TBXAS1: variants seen among roughly 807,000 people sequenced by gnomAD.
TBXAS1 encodes thromboxane-A synthase.
Under a neutral mutation model 60.7 loss-of-function variants are expected in TBXAS1, and 48 were observed. The observed-to-expected ratio is 0.79, with a 90% confidence interval of 0.63 to 1.01. The LOEUF (loss-of-function observed/expected upper bound fraction) is 1.01. Among genes scored for constraint, TBXAS1 ranks in the 50% least tolerant of loss-of-function variants. The pLI is 0.00. For missense variants in TBXAS1, 685 were observed against 686.3 expected (o/e 1.00, Z 0.02); for synonymous variants, 287 against 269.7 (o/e 1.06, Z -0.63).
intron 1 of TBXAS1, among the ~76,000 whole-genome samples, chr7:139,864,982 A>G (rs533892108): frequency 4.5e-4 from 68 of 152,170 alleles, no homozygotes; most frequent in African/African-American, 1.6e-3. Flanking sequence ...TATTGCTTGG[A>G]AAAAAAATAC....
intron 9 of TBXAS1, among the ~76,000 whole-genome samples, chr7:139,998,771 T>A (rs1272217744): frequency 6.6e-6 from 1 of 152,218 alleles, no homozygotes; most frequent in African/African-American, 2.4e-5. Flanking sequence ...AGAAGACTGA[T>A]GCCCCGTGGG....
chr7:139,805,698 CTTTCTTTCTTTCTT>C (rs757969897), intron 4 of TBXAS1, among the ~76,000 whole-genome samples: 1,549 of 31,004 alleles, frequency 0.05, 15 homozygotes, highest in Middle Eastern at 0.078. Flanking sequence ...TTCTTTCTTT[CTTTCTTTCTTTCTT>C]TCTCTCTCTC....
chr7:140,019,964 T>C, intron 12 of TBXAS1, 61 bp from the exon 13 acceptor site: 3 of 1,537,640 alleles, frequency 2.0e-6, no homozygotes, highest in Non-Finnish European at 2.7e-6. Flanking sequence ...CTCCAAGTCT[T>C]CATTTGTACA....
rs540781999 is a variant in TBXAS1, at chr7:139,863,469, A to G, written c.90-8766A>G. 3.3e-5 allele frequency among the ~76,000 whole-genome samples: 5 copies of G among 152,296 alleles called. No homozygotes were observed. In the South Asian group the frequency reaches 1.0e-3, roughly 32 times the overall value. Reference sequence around the variant, plus strand: ...TGTATATAGGGTGGGACAGAATTGAAAAAACAATAGGAAGGTCTTGTAACT... The same window carrying G: ...TGTATATAGGGTGGGACAGAATTGAGAAAACAATAGGAAGGTCTTGTAACT... On this transcript the variant is annotated intron_variant, in intron 1 of 12. Coordinates refer to ENST00000448866, the MANE Select transcript of TBXAS1 (RefSeq NM_001061.7).
chr7:139,783,992 T>A (rs1398159424), intron 3 of TBXAS1, among the ~76,000 whole-genome samples: 2 of 149,216 alleles, frequency 1.3e-5, no homozygotes, highest in African/African-American at 5.0e-5. Context: ...TTCACATGCA[T>A]GCTTGTTTAG....
At chr7:139,901,582 T>C (rs914744248) in intron 3 of TBXAS1, among the ~76,000 whole-genome samples, 3 of 152,086 alleles carry the variant, frequency 2.0e-5, no homozygotes, top group Non-Finnish European at 4.4e-5. Flanking sequence ...GAGCAGGTTT[T>C]CACCCAATCA....
chr7:139,977,390 A>G (rs1445341917), intron 9 of TBXAS1, among the ~76,000 whole-genome samples: 6 of 152,182 alleles, frequency 3.9e-5, no homozygotes, highest in Non-Finnish European at 8.8e-5. Context: ...CTTACTCACT[A>G]TCACGAGAAC....
In TBXAS1 at chr7:139,812,324, G is replaced by A. The variant is rs140869598; in HGVS notation, c.-79-16988G>A. On this transcript the variant is annotated intron_variant, in intron 4 of 16. Transcript: ENST00000336425. Reference sequence around the variant, plus strand: ...CCACAATGTTGGGGTGAACTCCTCGGTGACAGATGAAGAAACAAACACTCT... The same window carrying A: ...CCACAATGTTGGGGTGAACTCCTCGATGACAGATGAAGAAACAAACACTCT... Among the ~76,000 whole-genome samples, 1,145 of 152,302 alleles carry A rather than the reference G, an allele frequency of 7.5e-3. 14 individuals are homozygous for A. Among genetic ancestry groups the A allele is most frequent in the Non-Finnish European group, 7.5e-3 (507 of 68,018 alleles).
intron 4 of TBXAS1, among the ~76,000 whole-genome samples, chr7:139,919,925 C>T (rs1461262859): frequency 2.0e-5 from 3 of 152,218 alleles, no homozygotes; most frequent in African/African-American, 7.2e-5. Context: ...CCACTCCCAC[C>T]CTCCATTCTT....
chr7:140,014,336 C>T (rs138458451), intron 10 of TBXAS1, among the ~76,000 whole-genome samples: 5 of 152,256 alleles, frequency 3.3e-5, no homozygotes, highest in African/African-American at 9.6e-5. Flanking sequence ...CTGCTCAGGC[C>T]GACTTCGAGG....
chr7:139,839,832 A>G (rs1250317950), intron 1 of TBXAS1, among the ~76,000 whole-genome samples: 1 of 151,858 alleles, frequency 6.6e-6, no homozygotes, highest in East Asian at 1.9e-4. Context: ...CTCGCACTCC[A>G]GCCTGGGTGA....
In TBXAS1 at chr7:139,927,046, G is replaced by A. The variant is rs187889038; in HGVS notation, c.334-9145G>A. On this transcript the variant is annotated intron_variant, in intron 4 of 12. Coordinates refer to ENST00000448866, the MANE Select transcript of TBXAS1 (RefSeq NM_001061.7). ...GTCTCACTCTGTCACCCAGACTGGA[G>A]TGCAGTGGCATGATCTCAGCTCACT... 1.9e-3 allele frequency among the ~76,000 whole-genome samples: 287 copies of A among 152,048 alleles called. 1 individual carries two copies. Among genetic ancestry groups the A allele is most frequent in the Non-Finnish European group, 3.8e-3 (259 of 67,984 alleles).
At chr7:139,913,024 G>A (rs1300157925) in intron 4 of TBXAS1, 1 of 683,968 alleles carries the variant, frequency 1.5e-6, no homozygotes, top group South Asian at 1.5e-5. Context: ...GTTGAGTGGA[G>A]TAATTGGCCA....
At chr7:139,780,950 G>A (rs1392473255) in intron 2 of TBXAS1, 2 of 154,414 alleles carry the variant, frequency 1.3e-5, no homozygotes, top group Non-Finnish European at 2.9e-5. Context: ...CCCAGCTGCT[G>A]TCTAGCAGTG....
Position 140,008,511 on chromosome 7 carries a change from G to GC in TBXAS1, c.1226+1329_1226+1330insC, listed in dbSNP as rs763795102. 2.8e-5 allele frequency among the ~76,000 whole-genome samples: 4 copies of GC among 144,066 alleles called. No homozygotes were observed. The East Asian group carries it at 6.4e-4, about 23-fold the overall frequency. The allele number at this position is 144,066 out of a possible 152,430, so 94.5% of individuals were successfully genotyped here. On this transcript the variant is annotated intron_variant, in intron 10 of 12. Coordinates refer to ENST00000448866, the MANE Select transcript of TBXAS1 (RefSeq NM_001061.7). ...TGCCCAGGCTGGAGGGCAATGGTGT[G>GC]ATCTTGGCTCACTGAAACTTCTGCC...
At chr7:140,016,779 G>A (rs1220774892) in intron 11 of TBXAS1, 1 of 152,758 alleles carries the variant, frequency 6.5e-6, no homozygotes, top group Non-Finnish European at 1.5e-5. Flanking sequence ...GGCAAGGGAA[G>A]GGCTGGCCCG....
At chr7:139,942,440 G>A (rs1808365216) in intron 5 of TBXAS1, among the ~76,000 whole-genome samples, 1 of 152,186 alleles carries the variant, frequency 6.6e-6, no homozygotes, top group Non-Finnish European at 1.5e-5. Flanking sequence ...ATCCTTTGCA[G>A]GTAGCTTCCA....
At chr7:140,011,343 G>GAA (rs56317793) in intron 10 of TBXAS1, among the ~76,000 whole-genome samples, 2,447 of 148,558 alleles carry the variant, frequency 0.016, 34 homozygotes, top group African/African-American at 0.033. Flanking sequence ...AAAAAAAAAA[G>GAA]AAAAAAAAGG....
chr7:139,790,553 T>G lies in TBXAS1; in HGVS notation c.-80+3127T>G, dbSNP rs191031502. On this transcript the variant is annotated intron_variant, in intron 4 of 16. Coordinates refer to the TBXAS1 transcript ENST00000336425. ...AGGACAGTTGACAAAAGGACAGTAG[T>G]CAAAAAGAAAAATGGCTCCCTAAAC... 7.2e-5 allele frequency among the ~76,000 whole-genome samples: 11 copies of G among 152,324 alleles called. No homozygotes were observed. The East Asian group carries it at 2.1e-3, about 29-fold the overall frequency.
Sources: gnomAD v4.1 joint callset for allele counts (sites outside exome capture counted in the v4.1 genomes callset) on GRCh38, gnomAD v4.1.1 for gene constraint, MANE v1.5 for transcripts, NCBI Gene and HGNC (gene_info 2026-07-23, HGNC 2026-07-21) for gene names.